The following ARHGEF18 variants were observed in gnomAD, a reference collection of about 807,000 sequenced individuals.
ARHGEF18 encodes the protein rho guanine nucleotide exchange factor 18.
A neutral mutation model predicts 155.7 loss-of-function variants in ARHGEF18; 93 were observed. That is an observed-to-expected ratio of 0.60 (90% CI 0.50 to 0.71). The LOEUF (loss-of-function observed/expected upper bound fraction) is 0.71. Among genes scored for constraint, ARHGEF18 ranks in the 30% least tolerant of loss-of-function variants. The pLI is 0.00. For missense variants in ARHGEF18, 1,593 were observed against 1,816.1 expected, an observed-to-expected ratio of 0.88 and a Z score of 2.23; for synonymous variants, 742 against 753.1, an observed-to-expected ratio of 0.99 and a Z score of 0.24.
At chr19:7,420,398 G>A (rs886080714) in intron 10 of ARHGEF18, among the ~76,000 whole-genome samples, 4 of 152,116 alleles carry the variant, frequency 2.6e-5, no homozygotes, top group Admixed American at 6.5e-5. Flanking sequence ...GACTACAGGC[G>A]TGTGCCATCA....
At chr19:7,358,104 T>C (rs1969386240) in intron 1 of ARHGEF18, among the ~76,000 whole-genome samples, 1 of 151,924 alleles carries the variant, frequency 6.6e-6, no homozygotes, top group Non-Finnish European at 1.5e-5. Flanking sequence ...CATGCAGCCA[T>C]CCAACTATCT....
At chr19:7,422,720 T>TC (rs1388423972) in intron 10 of ARHGEF18, among the ~76,000 whole-genome samples, 2 of 141,236 alleles carry the variant, frequency 1.4e-5, no homozygotes, top group Admixed American at 7.0e-5. Context: ...ACTTTTCTTT[T>TC]TTTTTTTTTT....
intron 10 of ARHGEF18, chr19:7,383,434 G>A (rs1324713423): frequency 2.4e-6 from 1 of 411,898 alleles, no homozygotes; most frequent in Non-Finnish European, 4.2e-6. Flanking sequence ...GCGATTGTGG[G>A]AATCCTCCTG....
intron 10 of ARHGEF18, among the ~76,000 whole-genome samples, chr19:7,408,219 A>C (rs2145604414): frequency 6.6e-6 from 1 of 152,240 alleles, no homozygotes. Flanking sequence ...TTGAAGTTGC[A>C]GTGAGCCGAA....
intron 10 of ARHGEF18, among the ~76,000 whole-genome samples, chr19:7,389,627 G>A (rs1209828728): frequency 1.3e-5 from 2 of 151,402 alleles, no homozygotes; most frequent in Non-Finnish European, 2.9e-5. Context: ...TCCACCTCCT[G>A]GGTTCAAGCT....
chr19:7,440,356 A>G lies in ARHGEF18; in HGVS notation c.980A>G (p.Glu327Gly). Residue 327 changes from glutamate to glycine, a missense_variant, in exon 11 of 29, where the codon GAG becomes GGG. Glu to Gly is a moderately conservative substitution (Grantham distance 98). Transcript: ENST00000668164. This position sits in a 1 kb window ranked among gnomAD's most constrained non-coding sequence, Gnocchi z 5.4. ...KPFLSSASLKEHPRGTLLSDG... is the reference protein window; with the variant it reads ...KPFLSSASLKGHPRGTLLSDG... Reference sequence around the variant, plus strand: ...GCCTCTGTCACAGCCTCGCTCAAGGAGCACCCCCGGGGCACCCTCCTGTCC... The same window carrying G: ...GCCTCTGTCACAGCCTCGCTCAAGGGGCACCCCCGGGGCACCCTCCTGTCC... 2 of 1,612,752 alleles carry G rather than the reference A, an allele frequency of 1.2e-6. No homozygotes were observed. The highest frequency in any genetic ancestry group is 1.7e-6 in the Non-Finnish European group (2 of 1,179,882).
chr19:7,398,922 G>A (rs754315492), intron 10 of ARHGEF18, among the ~76,000 whole-genome samples: 1 of 152,088 alleles, frequency 6.6e-6, no homozygotes, highest in Non-Finnish European at 1.5e-5. Flanking sequence ...TGCCTCCCTG[G>A]GTGTTTACCT....
intron 10 of ARHGEF18, among the ~76,000 whole-genome samples, chr19:7,399,917 T>C (rs1380096838): frequency 6.6e-6 from 1 of 151,816 alleles, no homozygotes. Flanking sequence ...GGACTATAGG[T>C]GCGTACCACC....
chr19:7,369,251 C>T (rs922809995), intron 2 of ARHGEF18, among the ~76,000 whole-genome samples: 4 of 151,646 alleles, frequency 2.6e-5, no homozygotes, highest in Admixed American at 6.6e-5. Context: ...CATCTGAGGT[C>T]GGGGGTTTGA....
At chr19:7,373,367 C>T (rs1970284280) in intron 3 of ARHGEF18, among the ~76,000 whole-genome samples, 1 of 152,020 alleles carries the variant, frequency 6.6e-6, no homozygotes, top group South Asian at 2.1e-4. Context: ...TCAGTGGGAG[C>T]CCCGAGCTTG....
At position 7,372,962 on chromosome 19, in the gene ARHGEF18, G is replaced by A. The variant is rs1023503846; in HGVS notation, c.166G>A (p.Gly56Ser). Reference sequence around the variant, plus strand: ...GGAGACCCCAGACAGCCGCCCCACCGGTGAAGAACCAGGAAGAGATTCTCT... The same window carrying A: ...GGAGACCCCAGACAGCCGCCCCACCAGTGAAGAACCAGGAAGAGATTCTCT... ...PGETPDSRPT[G>S]EEPGRDSLFS... Residue 56 changes from glycine (G) to serine (S), a missense_variant, in exon 3 of 29, where the codon GGT becomes AGT. Coordinates refer to ENST00000668164, the MANE Select transcript of ARHGEF18 (RefSeq NM_001367823.1). 6.6e-5 allele frequency: 81 copies of A among 1,234,558 alleles called. No homozygotes were observed. The highest frequency in any genetic ancestry group is 2.1e-4 in the Middle Eastern group (1 of 4,838). The allele number at this position is 1,234,558 out of a possible 1,614,324, so 76.5% of individuals were successfully genotyped here. A position where few individuals can be genotyped will look rare whatever the true frequency, so the allele number is the denominator to read the frequency against.
chr19:7,361,558 C>T (rs562607245), intron 1 of ARHGEF18, among the ~76,000 whole-genome samples: 3 of 152,270 alleles, frequency 2.0e-5, no homozygotes, highest in African/African-American at 7.2e-5. Context: ...CGTGCAATTG[C>T]GTACATCTGT....
At chr19:7,446,914 A>AG in intron 14 of ARHGEF18, 129 bp from the exon 15 acceptor site, 1 of 1,180,962 alleles carries the variant, frequency 8.5e-7, no homozygotes, top group Non-Finnish European at 1.1e-6. Context: ...AAAAAAAAGA[A>AG]GAAGAAAGAA....
chr19:7,451,887 A>T (rs1975502802), intron 16 of ARHGEF18, among the ~76,000 whole-genome samples: 1 of 151,872 alleles, frequency 6.6e-6, no homozygotes, highest in Non-Finnish European at 1.5e-5. Context: ...ACACCTAGCT[A>T]ACTTTGATAT....
At position 7,469,261 on chromosome 19, in the gene ARHGEF18, G is replaced by A. The variant is rs144274090; in HGVS notation, c.3787+130G>A. On this transcript the variant is annotated intron_variant, in intron 27 of 28. Coordinates refer to ENST00000668164, the MANE Select transcript of ARHGEF18 (RefSeq NM_001367823.1). ...GAGAGGAAAACCAGAAGGCACAGCT[G>A]GCATCGTGGCTGAGGCCACCCCACA... 80 of 1,210,646 alleles carry A rather than the reference G, an allele frequency of 6.6e-5. 1 individual carries two copies. In the East Asian group the frequency reaches 2.0e-3, roughly 30 times the overall value. The allele number at this position is 1,210,646 out of a possible 1,614,324, so 75.0% of individuals were successfully genotyped here.
At chr19:7,385,088 C>G (rs1970929392) in intron 10 of ARHGEF18, among the ~76,000 whole-genome samples, 1 of 152,186 alleles carries the variant, frequency 6.6e-6, no homozygotes, top group African/African-American at 2.4e-5. Flanking sequence ...GCACCTTGTT[C>G]TCTTCTGCAG....
chr19:7,412,180 GGC>G (rs200323159), intron 10 of ARHGEF18, among the ~76,000 whole-genome samples: 6,982 of 151,362 alleles, frequency 0.046, 234 homozygotes, highest in Non-Finnish European at 0.07. Context: ...GGATTACAGG[GGC>G]GCGCCACCAC....
At chr19:7,469,271 C>T (rs766185099) in intron 27 of ARHGEF18, 140 bp downstream of exon 27, 128 of 1,112,854 alleles carry the variant, frequency 1.2e-4, no homozygotes, top group Non-Finnish European at 1.5e-4. Context: ...GGCATCGTGG[C>T]TGAGGCCACC....
intron 8 of ARHGEF18, 78 bp downstream of exon 8, chr19:7,381,072 C>A (rs1351732717): frequency 2.7e-6 from 3 of 1,106,628 alleles, no homozygotes; most frequent in Non-Finnish European, 3.4e-6. Context: ...TTGGGCCAGA[C>A]CCCCCATGCT....
Sources: allele counts gnomAD v4.1 joint callset (sites outside exome capture counted in the v4.1 genomes callset), GRCh38; gene constraint gnomAD v4.1.1; non-coding constraint Gnocchi (gnomAD v3.1); transcripts MANE v1.5; gene names NCBI Gene and HGNC (gene_info 2026-07-23, HGNC 2026-07-21).